Variants in ARL15 observed in about 807,000 individuals in gnomAD.
The protein encoded by ARL15 is ARF like GTPase 15.
A neutral mutation model predicts 25.2 loss-of-function variants in ARL15; 19 were observed. That is an observed-to-expected ratio of 0.75 (90% CI 0.53 to 1.10). The LOEUF (loss-of-function observed/expected upper bound fraction) is 1.10, where lower values mean the gene tolerates loss of function less well. Ranked by LOEUF, ARL15 falls within the 50% of genes least tolerant of loss-of-function variation. The pLI, the probability that ARL15 is intolerant of heterozygous loss-of-function variation, is 0.00. For missense variants in ARL15, 220 were observed against 246.0 expected (o/e 0.89, Z 0.71); for synonymous variants, 94 against 86.8 (o/e 1.08, Z -0.46).
rs572360814 is a variant in ARL15 at position 54,017,077 on chromosome 5, C to T, written c.462+96125G>A. Among the ~76,000 whole-genome samples the T allele has an allele frequency of 3.3e-4, 51 of 152,274 alleles. 1 individual carries two copies. Among genetic ancestry groups the T allele is most frequent in the African/African-American group, 1.1e-3 (47 of 41,554 alleles). On this transcript the variant is annotated intron_variant, in intron 4 of 4. Transcript: ENST00000504924. ...GGCATTGGATTTGCTCCGCCTTTGT[C>T]GCCTCTGCCCTGTGTTGCATCCAGC...
chr5:54,066,664 A>G (rs1405038012), intron 4 of ARL15, among the ~76,000 whole-genome samples: 1 of 152,160 alleles, frequency 6.6e-6, no homozygotes, highest in Non-Finnish European at 1.5e-5. Context: ...ACTGGCATCT[A>G]GTGGACTGAG....
At chr5:53,899,967 C>T (rs114324804) in intron 4 of ARL15, among the ~76,000 whole-genome samples, 2,537 of 152,244 alleles carry the variant, frequency 0.017, 36 homozygotes, top group Non-Finnish European at 0.026. Flanking sequence ...ACTTCTAGTA[C>T]CAAATTATGA....
intron 1 of ARL15, among the ~76,000 whole-genome samples, chr5:54,306,443 T>G (rs1468652270): frequency 2.7e-5 from 4 of 149,014 alleles, no homozygotes; most frequent in Non-Finnish European, 5.9e-5. Flanking sequence ...TCGCCCAGGC[T>G]GGAGTGCAGT....
At chr5:54,282,311 A>G (rs1229821827) in intron 1 of ARL15, 3 of 985,446 alleles carry the variant, frequency 3.0e-6, no homozygotes, top group Non-Finnish European at 3.6e-6. Flanking sequence ...TGAGATCTGG[A>G]TGCATTCAGA....
At position 54,072,151 on chromosome 5, in the gene ARL15, G is replaced by C. The variant is rs116128850; in HGVS notation, c.462+41051C>G. Among the ~76,000 whole-genome samples, 722 of 152,144 alleles carry C rather than the reference G, an allele frequency of 4.7e-3. 8 individuals carry two copies. The highest frequency in any genetic ancestry group is 0.016 in the African/African-American group (674 of 41,490). ...TTTTGTTTTACTATAAGAGGTTTTA[G>C]GATATGTCTTTAAAAATCATACTGT... On this transcript the variant is annotated intron_variant, in intron 4 of 4. Coordinates refer to ENST00000504924, the MANE Select transcript of ARL15 (RefSeq NM_019087.3).
At chr5:54,289,144 T>C (rs575244694) in intron 1 of ARL15, among the ~76,000 whole-genome samples, 14 of 152,190 alleles carry the variant, frequency 9.2e-5, no homozygotes, top group South Asian at 2.1e-4. Flanking sequence ...GGATTTTAGA[T>C]GCCCAAGCTG....
chr5:54,249,626 G>A (rs1460968584), intron 1 of ARL15, among the ~76,000 whole-genome samples: 5 of 146,618 alleles, frequency 3.4e-5, no homozygotes, highest in Admixed American at 6.9e-5. Context: ...AGTTCATGAG[G>A]TCATATCTGA....
chr5:54,200,120 A>G (rs1467197159), intron 1 of ARL15, among the ~76,000 whole-genome samples: 2 of 133,704 alleles, frequency 1.5e-5, no homozygotes, highest in African/African-American at 2.7e-5. Context: ...CAGGAAGGGG[A>G]ACATCACACT....
At chr5:54,003,761 T>C (rs1748928826) in intron 4 of ARL15, among the ~76,000 whole-genome samples, 1 of 139,942 alleles carries the variant, frequency 7.1e-6, no homozygotes, top group South Asian at 2.4e-4. Context: ...AGAAACATCA[T>C]TCTTGTGCCC....
At chr5:54,224,505 T>A (rs2112539251) in intron 1 of ARL15, among the ~76,000 whole-genome samples, 1 of 152,354 alleles carries the variant, frequency 6.6e-6, no homozygotes, top group East Asian at 1.9e-4. Flanking sequence ...AGACTTTCAA[T>A]GACTCAACTA....
At chr5:54,012,824 CT>C (rs11296991) in intron 4 of ARL15, among the ~76,000 whole-genome samples, 40,047 of 135,076 alleles carry the variant, frequency 0.3, 5,555 homozygotes, top group East Asian at 0.48. Flanking sequence ...ACGCTGGACT[CT>C]TTTTTTTTTT....
chr5:54,251,294 T>TAC (rs1174115478), intron 1 of ARL15, among the ~76,000 whole-genome samples: 2 of 152,256 alleles, frequency 1.3e-5, no homozygotes, highest in Non-Finnish European at 2.9e-5. Flanking sequence ...AAGAAAGAGA[T>TAC]ACGTCTGTAG....
intron 4 of ARL15, among the ~76,000 whole-genome samples, chr5:54,001,505 A>T (rs1041690614): frequency 2.0e-5 from 3 of 152,224 alleles, no homozygotes; most frequent in African/African-American, 7.2e-5. Context: ...ATTCTATGGA[A>T]AGCTACAAAA....
intron 4 of ARL15, among the ~76,000 whole-genome samples, chr5:54,007,118 C>G (rs1749069608): frequency 6.6e-6 from 1 of 152,080 alleles, no homozygotes; most frequent in African/African-American, 2.4e-5. Context: ...CTGGTTCTGC[C>G]TTGCTTGATT....
chr5:54,221,859 AC>A (rs1756385078), intron 1 of ARL15, among the ~76,000 whole-genome samples: 2 of 148,670 alleles, frequency 1.3e-5, no homozygotes, highest in Admixed American at 6.6e-5. Context: ...ACACACACAC[AC>A]ACACACACAC....
At chr5:54,248,534 T>C (rs1757153332) in intron 1 of ARL15, among the ~76,000 whole-genome samples, 1 of 152,244 alleles carries the variant, frequency 6.6e-6, no homozygotes. Context: ...TAAATTTCTC[T>C]GACTCCCATC....
At chr5:53,892,198 T>G (rs1191379947) in intron 4 of ARL15, among the ~76,000 whole-genome samples, 1 of 152,214 alleles carries the variant, frequency 6.6e-6, no homozygotes, top group Non-Finnish European at 1.5e-5. Context: ...AAAAAGTATC[T>G]GGATAGAAGA....
intron 3 of ARL15, among the ~76,000 whole-genome samples, chr5:54,153,923 T>C (rs547603059): frequency 6.6e-6 from 1 of 152,322 alleles, no homozygotes; most frequent in African/African-American, 2.4e-5. Flanking sequence ...GATATCATAC[T>C]GAACTCCAGA....
intron 4 of ARL15, among the ~76,000 whole-genome samples, chr5:54,058,198 G>A (rs1006665473): frequency 2.0e-5 from 3 of 151,892 alleles, no homozygotes; most frequent in Non-Finnish European, 2.9e-5. Context: ...TAGAGATGGG[G>A]TTTCACCATG....
Sources: gnomAD v4.1 joint callset for allele counts (sites outside exome capture counted in the v4.1 genomes callset) on GRCh38, gnomAD v4.1.1 for gene constraint, MANE v1.5 for transcripts, NCBI Gene and HGNC (gene_info 2026-07-23, HGNC 2026-07-21) for gene names.